SMC6: variants seen among roughly 807,000 people sequenced by gnomAD.
SMC6 encodes the protein structural maintenance of chromosomes 6.
Under a neutral mutation model 142.2 loss-of-function variants are expected in SMC6, and 79 were observed. The ratio of observed to expected loss-of-function variants is 0.56; its 90% CI spans 0.46 to 0.67. SMC6 has a LOEUF of 0.67. Ranked by LOEUF, SMC6 falls within the 30% of genes least tolerant of loss-of-function variation. The pLI is 0.00. For synonymous variants in SMC6, 411 were observed against 412.4 expected (o/e 1.00, Z 0.04); for missense variants, 1,072 against 1,284.0 (o/e 0.83, Z 2.52).
At chr2:17,744,975 T>C (rs904033340) in intron 3 of SMC6, among the ~76,000 whole-genome samples, 2 of 152,324 alleles carry the variant, frequency 1.3e-5, no homozygotes, top group East Asian at 3.9e-4. Flanking sequence ...GCTTTTCCTA[T>C]CTGCGGGTTC....
At chr2:17,708,433 T>C (rs1572302315) in intron 17 of SMC6, among the ~76,000 whole-genome samples, 2 of 152,102 alleles carry the variant, frequency 1.3e-5, no homozygotes, top group East Asian at 3.8e-4. Flanking sequence ...AAAGAACAGC[T>C]GAAAATTATA....
chr2:17,695,509 G>A (rs533715814), intron 22 of SMC6, among the ~76,000 whole-genome samples: 8 of 151,972 alleles, frequency 5.3e-5, no homozygotes, highest in African/African-American at 1.9e-4. Flanking sequence ...CTGCATTGCT[G>A]TGTGTAACTA....
At chr2:17,673,905 T>A (rs1328433028) in intron 25 of SMC6, among the ~76,000 whole-genome samples, 1 of 151,904 alleles carries the variant, frequency 6.6e-6, no homozygotes, top group East Asian at 1.9e-4. Context: ...TATCCAACAA[T>A]TTGAACCTAA....
chr2:17,720,664 C>T (rs1318601066), intron 11 of SMC6, among the ~76,000 whole-genome samples: 4 of 152,132 alleles, frequency 2.6e-5, no homozygotes, highest in Non-Finnish European at 4.4e-5. Flanking sequence ...TGCTCTTCTT[C>T]TATGTCTTGT....
At chr2:17,714,123 C>G (rs1276996328) in intron 16 of SMC6, among the ~76,000 whole-genome samples, 1 of 141,008 alleles carries the variant, frequency 7.1e-6, no homozygotes, top group African/African-American at 2.7e-5. Context: ...CAGTCTCATT[C>G]TTCACCCAAG....
In SMC6 at chr2:17,745,911, A is replaced by G; in HGVS notation, c.36T>C (p.Pro12=). The change falls in exon 3 of 28, where the codon CCT becomes CCC. Residue 12 remains proline, a synonymous_variant. Transcript: ENST00000448223. ...AKRKEENFSS[P]KNAKRPRQEE... is the part of the protein sequence containing the mutation. ...CTTGTCTTGGCCTTTTGGCATTTTTAGGAGAGGAAAAATTTTCTTCCTTTC... is the reference window on the plus strand; with the variant it reads ...CTTGTCTTGGCCTTTTGGCATTTTTGGGAGAGGAAAAATTTTCTTCCTTTC... The G allele has an allele frequency of 5.0e-6, 8 of 1,611,396 alleles. No homozygotes were observed. In the South Asian group the frequency reaches 5.5e-5, roughly 11 times the overall value.
At chr2:17,688,540 G>T (rs1354483286) in intron 23 of SMC6, among the ~76,000 whole-genome samples, 1 of 152,074 alleles carries the variant, frequency 6.6e-6, no homozygotes, top group Non-Finnish European at 1.5e-5. Context: ...ACTCCAGCCT[G>T]GACAACAGAG....
rs1168792692 is a variant in SMC6 at position 17,708,690 on chromosome 2, C to CACA, written c.1791_1793dup (p.Val598dup). The CACA allele has an allele frequency of 1.3e-6, 2 of 1,557,032 alleles. No homozygotes were observed. The highest frequency in any genetic ancestry group is 1.7e-6 in the Non-Finnish European group (2 of 1,149,304). ...CTCTCATGTCAATTAGGCTATTTGCCACAACCGCATTATCTATTTCTAAAG... is the reference window on the plus strand; with the variant it reads ...CTCTCATGTCAATTAGGCTATTTGCCACAACAACCGCATTATCTATTTCTAAAG... On this transcript the variant is annotated inframe_insertion, in exon 17 of 28. Coordinates refer to ENST00000448223, the MANE Select transcript of SMC6 (RefSeq NM_001142286.2).
At position 17,742,805 on chromosome 2, in the gene SMC6, C is replaced by T. The variant is rs1172902818; in HGVS notation, c.121-1076G>A. On this transcript the variant is annotated intron_variant, in intron 3 of 27. Transcript: ENST00000448223. ...AATGAGATCCTGTGTACCCTTTACT[C>T]AGTTTCCGCCCATTGTAACATCTTG... Among the ~76,000 whole-genome samples the T allele has an allele frequency of 4.6e-5, 7 of 152,302 alleles. No homozygotes were observed. The South Asian group carries it at 1.0e-3, about 23-fold the overall frequency.
At position 17,731,892 on chromosome 2, in the gene SMC6, T is replaced by C. The variant is rs575691785; in HGVS notation, c.345-15A>G. The C allele has an allele frequency of 1.2e-6, 2 of 1,610,140 alleles. No individual in the cohort carries two copies. The highest frequency in any genetic ancestry group is 2.7e-5 in the African/African-American group (2 of 74,850). ...TATCTGCAGAGCTGAAAGAATGAGG[T>C]TGAGCTAAGTTACATGAAGATACAG... is the stretch of plus-strand genomic sequence containing the variant. On this transcript the variant is annotated splice_polypyrimidine_tract_variant and intron_variant, in intron 5 of 27. Transcript: ENST00000448223.
intron 5 of SMC6, 143 bp from the exon 6 acceptor site, chr2:17,732,020 T>C: frequency 1.4e-6 from 1 of 720,710 alleles, no homozygotes; most frequent in Non-Finnish European, 2.2e-6. Flanking sequence ...CAGCTGACAC[T>C]GATTGTTCAC....
At chr2:17,747,252 G>A (rs1184359083) in intron 2 of SMC6, among the ~76,000 whole-genome samples, 1 of 152,192 alleles carries the variant, frequency 6.6e-6, no homozygotes, top group Non-Finnish European at 1.5e-5. Context: ...GAGGTGAGAA[G>A]ACCACTCCCA....
intron 27 of SMC6, 81 bp downstream of exon 27, chr2:17,666,339 A>G (rs1666495706): frequency 9.8e-7 from 1 of 1,016,894 alleles, no homozygotes; most frequent in Non-Finnish European, 1.5e-6. Context: ...ATGTATTTGT[A>G]TTTTAAAAAT....
intron 2 of SMC6, among the ~76,000 whole-genome samples, chr2:17,752,291 C>T (rs926614889): frequency 6.6e-6 from 1 of 152,152 alleles, no homozygotes; most frequent in Non-Finnish European, 1.5e-5. Context: ...ACTTATATAA[C>T]CTAACACAAT....
At position 17,753,611 on chromosome 2, in the gene SMC6, GCGC is replaced by G. The variant is rs1224160797; in HGVS notation, c.-93+12_-93+14del. ...CCGGAGCAAGGGAAAGCGACAGCGC[GCGC>G]CTTCACCCTACCGCCAACAAGTCGA... On this transcript the variant is annotated intron_variant, in intron 1 of 27. Transcript: ENST00000448223. The G allele has an allele frequency of 6.6e-6, 1 of 152,300 alleles. No individual in the cohort carries two copies. The highest frequency in any genetic ancestry group is 1.9e-4 in the East Asian group (1 of 5,196). 9.4% of individuals were successfully genotyped at this position (152,300 alleles called of 1,614,324 possible). A position where few individuals can be genotyped will look rare whatever the true frequency, so the allele number is the denominator to read the frequency against.
At chr2:17,739,021 G>A (rs917374185) in intron 4 of SMC6, among the ~76,000 whole-genome samples, 2 of 152,016 alleles carry the variant, frequency 1.3e-5, no homozygotes, top group African/African-American at 2.4e-5. Context: ...ATTCAATACT[G>A]TATCCCTAAT....
intron 9 of SMC6, 21 bp from the exon 10 acceptor site, chr2:17,721,282 C>T (rs772724265): frequency 9.1e-6 from 14 of 1,543,156 alleles, no homozygotes; most frequent in Admixed American, 2.3e-5. Context: ...GAAAACAGAA[C>T]GGACGTATTT....
chr2:17,750,942 T>C (rs956843783), intron 2 of SMC6, among the ~76,000 whole-genome samples: 1 of 140,886 alleles, frequency 7.1e-6, no homozygotes, highest in Admixed American at 7.4e-5. Flanking sequence ...GAGGCAGAGG[T>C]TGCAGTGAGC....
Position 17,716,152 on chromosome 2 carries a change from G to A in SMC6, c.1459C>T (p.Leu487Phe), listed in dbSNP as rs1669072729. Residue 487 changes from leucine to phenylalanine, a missense_variant, in exon 15 of 28, where the codon CTT (leucine) becomes TTT (phenylalanine). Coordinates refer to ENST00000448223, the MANE Select transcript of SMC6 (RefSeq NM_001142286.2). ...TAAGCATCATCTATGGCTTCAAGAA[G>A]AGCTGGAACATTAGGGCCAAATCTT... ...LKRFGPNVPA[L>F]LEAIDDAYRQ... The A allele has an allele frequency of 6.2e-7, 1 of 1,611,980 alleles. No individual in the cohort carries two copies. Among genetic ancestry groups the A allele is most frequent in the South Asian group, 1.1e-5 (1 of 90,762 alleles).
Sources: allele counts gnomAD v4.1 joint callset (sites outside exome capture counted in the v4.1 genomes callset), GRCh38; gene constraint gnomAD v4.1.1; transcripts MANE v1.5; gene names NCBI Gene and HGNC (gene_info 2026-07-23, HGNC 2026-07-21).